CABP5: variants seen among roughly 807,000 people sequenced by gnomAD.
The protein encoded by CABP5 is calcium-binding protein 5.
Under a neutral mutation model 21.9 loss-of-function variants are expected in CABP5, and 17 were observed. The ratio of observed to expected loss-of-function variants is 0.78; its 90% CI spans 0.53 to 1.17. The LOEUF (loss-of-function observed/expected upper bound fraction) is 1.17. Among genes scored for constraint, CABP5 ranks in the 50% most tolerant of loss-of-function variants. The pLI, the probability that CABP5 is intolerant of heterozygous loss-of-function variation, is 0.00. For synonymous variants in CABP5, 85 were observed against 79.4 expected (o/e 1.07, Z -0.37); for missense variants, 229 against 228.9 (o/e 1.00, Z 0.00).
chr19:48,041,769 C>T (rs1345248647), intron 1 of CABP5, among the ~76,000 whole-genome samples, 166 bp from the exon 2 acceptor site: 1 of 151,930 alleles, frequency 6.6e-6, no homozygotes, highest in Non-Finnish European at 1.5e-5. Context: ...GACTCCTGTT[C>T]CACAGTTCTT....
rs751526865 is a variant in CABP5, at chr19:48,040,677, G to C, written c.166C>G (p.Leu56Val). Residue 56 changes from leucine to valine, a missense_variant, in exon 3 of 6, where the codon CTC (leucine) becomes GTC (valine). Transcript: ENST00000293255. The part of the protein sequence containing the change: ...GFISCKDLGN[L>V]MRTMGYMPTE... ...GGCATGTAACCCATCGTCCTCATGA[G>C]ATTCCCCAGATCCTTACAAGAGATG... The C allele has an allele frequency of 5.0e-5, 80 of 1,613,766 alleles. 2 individuals are homozygous for C. The South Asian group carries it at 8.2e-4, about 17-fold the overall frequency.
intron 2 of CABP5, among the ~76,000 whole-genome samples, chr19:48,041,091 C>T (rs574169787): frequency 2.6e-5 from 4 of 151,976 alleles, no homozygotes; most frequent in African/African-American, 7.3e-5. Context: ...TCAGCCAAGG[C>T]AGAAGAATCG....
intron 5 of CABP5, among the ~76,000 whole-genome samples, chr19:48,032,023 C>A (rs1967345658): frequency 6.6e-6 from 1 of 151,794 alleles, no homozygotes; most frequent in Admixed American, 6.6e-5. Context: ...GCTGTGATAA[C>A]TTCCATGGAG....
rs751526865 is a variant in CABP5, at chr19:48,040,677, G to A, written c.166C>T (p.Leu56Phe). 6.2e-7 allele frequency: 1 copy of A among 1,613,884 alleles called. No individual in the cohort carries two copies. The highest frequency in any genetic ancestry group is 8.5e-7 in the Non-Finnish European group (1 of 1,179,896). ...GFISCKDLGN[L>F]MRTMGYMPTE... ...GGCATGTAACCCATCGTCCTCATGA[G>A]ATTCCCCAGATCCTTACAAGAGATG... Residue 56 changes from leucine to phenylalanine, a missense_variant, in exon 3 of 6, where the codon CTC becomes TTC. Transcript: ENST00000293255.
Position 48,040,877 on chromosome 19 carries a change from A to G in CABP5, c.95-129T>C, listed in dbSNP as rs1210125697. 10 of 897,436 alleles carry G rather than the reference A, an allele frequency of 1.1e-5. No individual in the cohort carries two copies. In the South Asian group the frequency reaches 1.3e-4, roughly 12 times the overall value. The allele number at this position is 897,436 out of a possible 1,614,324, so 55.6% of individuals were successfully genotyped here. ...GAGCGTACATTAGAAACAAAACAAAACAAAACAAAAAAACCAAGGCCGGAT... is the reference window on the plus strand; with the variant it reads ...GAGCGTACATTAGAAACAAAACAAAGCAAAACAAAAAAACCAAGGCCGGAT... On this transcript the variant is annotated intron_variant, in intron 2 of 5. Transcript: ENST00000293255.
intron 4 of CABP5, among the ~76,000 whole-genome samples, chr19:48,037,287 A>ATTTTTTTTTTTT (rs1967422537): frequency 3.8e-4 from 3 of 7,956 alleles, no homozygotes; most frequent in South Asian, 5.0e-3. Flanking sequence ...TTTTTTTTTG[A>ATTTTTTTTTTTT]GGTGGAGTTT....
At chr19:48,037,467 C>T (rs1208823279) in intron 4 of CABP5, among the ~76,000 whole-genome samples, 1 of 151,638 alleles carries the variant, frequency 6.6e-6, no homozygotes, top group African/African-American at 2.4e-5. Flanking sequence ...GGGGTTTCTC[C>T]ATGTTGGTCA....
rs1187937839 is a variant in CABP5 at position 48,040,663 on chromosome 19, C to T, written c.180G>A (p.Met60Ile). ...GTTCCATCTCCGTGGGCATGTAACC[C>T]ATCGTCCTCATGAGATTCCCCAGAT... ...CKDLGNLMRT[M>I]GYMPTEMELI... Residue 60 changes from methionine (M) to isoleucine (I), a missense_variant, in exon 3 of 6, where the codon ATG (methionine) becomes ATA (isoleucine). Coordinates refer to ENST00000293255, the MANE Select transcript of CABP5 (RefSeq NM_019855.5). 2 of 1,613,900 alleles carry T rather than the reference C, an allele frequency of 1.2e-6. No homozygotes were observed. Among genetic ancestry groups the T allele is most frequent in the Admixed American group, 1.7e-5 (1 of 59,976 alleles).
At chr19:48,041,115 G>A (rs1229181236) in intron 2 of CABP5, among the ~76,000 whole-genome samples, 2 of 152,198 alleles carry the variant, frequency 1.3e-5, no homozygotes, top group Non-Finnish European at 2.9e-5. Flanking sequence ...GAACCTGGGA[G>A]GCGGAGGTAG....
chr19:48,036,773 G>T lies in CABP5; in HGVS notation c.349-2411C>A, dbSNP rs558659405. 4.6e-5 allele frequency among the ~76,000 whole-genome samples: 7 copies of T among 151,526 alleles called. No homozygotes were observed. The South Asian group carries it at 1.5e-3, about 32-fold the overall frequency. On this transcript the variant is annotated intron_variant, in intron 4 of 5. Coordinates refer to ENST00000293255, the MANE Select transcript of CABP5 (RefSeq NM_019855.5). ...GCCATCTCTCTAAAGAAGACAAATG[G>T]GCAAAAGACGTGAACAGCTATCTCT...
Position 48,040,864 on chromosome 19 carries a change from GAAACA to G in CABP5, c.95-121_95-117del, listed in dbSNP as rs948846891. On this transcript the variant is annotated intron_variant, in intron 2 of 5. Coordinates refer to ENST00000293255, the MANE Select transcript of CABP5 (RefSeq NM_019855.5). Reference sequence around the variant, plus strand: ...AGACTCCTTAAAGGAGCGTACATTAGAAACAAAACAAAACAAAACAAAAAAACCAA... The same window carrying G: ...AGACTCCTTAAAGGAGCGTACATTAGAAACAAAACAAAACAAAAAAACCAA... 5.3e-5 allele frequency: 44 copies of G among 834,940 alleles called. No individual in the cohort carries two copies. The African/African-American group carries it at 6.9e-4, about 13-fold the overall frequency. 51.7% of individuals were successfully genotyped at this position (834,940 alleles called of 1,614,324 possible).
At chr19:48,040,896 G>T in intron 2 of CABP5, 148 bp from the exon 3 acceptor site, 2 of 770,762 alleles carry the variant, frequency 2.6e-6, no homozygotes, top group South Asian at 2.0e-5. Flanking sequence ...AAAAACCAAG[G>T]CCGGATGTGG....
At chr19:48,039,480 T>A (rs1328214416) in intron 3 of CABP5, among the ~76,000 whole-genome samples, 163 bp from the exon 4 acceptor site, 3 of 152,038 alleles carry the variant, frequency 2.0e-5, no homozygotes, top group African/African-American at 7.2e-5. Context: ...CAAACTCATG[T>A]CCCTCTAGCC....
chr19:48,039,946 C>T (rs1967460154), intron 3 of CABP5, among the ~76,000 whole-genome samples: 1 of 152,010 alleles, frequency 6.6e-6, no homozygotes, highest in Non-Finnish European at 1.5e-5. Flanking sequence ...AACCCCTAAC[C>T]TCAGGTGATC....
rs772482700 is a variant in CABP5, at chr19:48,039,703, C to CTTTTT, written c.239-391_239-387dup. Among the ~76,000 whole-genome samples, 61 of 59,234 alleles carry CTTTTT rather than the reference C, an allele frequency of 1.0e-3. 16 individuals carry two copies. Among genetic ancestry groups the CTTTTT allele is most frequent in the Non-Finnish European group, 1.4e-3 (48 of 34,200 alleles). 38.9% of individuals were successfully genotyped at this position (59,234 alleles called of 152,430 possible). On this transcript the variant is annotated intron_variant, in intron 3 of 5. Transcript: ENST00000293255. ...ACATGCCCAGAAGCAAACCCAATAGCTTTTTTTTTTTTTTTTTTTTTTTTT... is the reference window on the plus strand; with the variant it reads ...ACATGCCCAGAAGCAAACCCAATAGCTTTTTTTTTTTTTTTTTTTTTTTTTTTTTT...
rs774524011 is a variant in CABP5, at chr19:48,034,399, CAAT to C, written c.349-40_349-38del. Reference sequence around the variant, plus strand: ...CAGAAATAGATTATATCAGCAATGACAATGATGATAGCCACGAGATGATGGAGT... The same window carrying C: ...CAGAAATAGATTATATCAGCAATGACGATGATAGCCACGAGATGATGGAGT... On this transcript the variant is annotated intron_variant, in intron 4 of 5. Transcript: ENST00000293255. 108 of 1,426,688 alleles carry C rather than the reference CAAT, an allele frequency of 7.6e-5. No individual in the cohort carries two copies. The East Asian group carries it at 2.6e-3, about 35-fold the overall frequency. The allele number at this position is 1,426,688 out of a possible 1,614,324, so 88.4% of individuals were successfully genotyped here.
At chr19:48,037,259 C>CTTTTTTTTTTTTTTTTTTTTTTTTTTT (rs57230665) in intron 4 of CABP5, among the ~76,000 whole-genome samples, 1 of 44,974 alleles carries the variant, frequency 2.2e-5, no homozygotes, top group African/African-American at 7.3e-5. Context: ...TACTATTCAG[C>CTTTTTTTTTTTTTTTTTTTTTTTTTTT]TTTTTTTTTT....
In CABP5 at chr19:48,041,566, G is replaced by A. The variant is rs781752540; in HGVS notation, c.94+7C>T. 11 of 1,612,400 alleles carry A rather than the reference G, an allele frequency of 6.8e-6. No homozygotes were observed. Among genetic ancestry groups the A allele is most frequent in the Non-Finnish European group, 9.3e-6 (11 of 1,179,450 alleles). ...AACGTGGAAGCAACTGGGGAAGACG[G>A]TGTTACCTTCAATCTCATCTTGTCC... On this transcript the variant is annotated splice_region_variant and intron_variant, in intron 2 of 5. Coordinates refer to ENST00000293255, the MANE Select transcript of CABP5 (RefSeq NM_019855.5).
intron 4 of CABP5, among the ~76,000 whole-genome samples, chr19:48,037,496 G>T (rs541607825): frequency 6.6e-6 from 1 of 151,782 alleles, no homozygotes; most frequent in South Asian, 2.1e-4. Flanking sequence ...TCAAACTCCC[G>T]ACCTCAGGTG....
Sources: gnomAD v4.1 joint callset for allele counts (sites outside exome capture counted in the v4.1 genomes callset) on GRCh38, gnomAD v4.1.1 for gene constraint, MANE v1.5 for transcripts, NCBI Gene and HGNC (gene_info 2026-07-23, HGNC 2026-07-21) for gene names.